PLEKHM2: variants seen among roughly 807,000 people sequenced by gnomAD.
PLEKHM2 encodes pleckstrin homology domain-containing family M member 2.
PLEKHM2 carries 77 observed loss-of-function variants against 116.3 expected under a neutral mutation model. The ratio of observed to expected loss-of-function variants is 0.66; its 90% confidence interval spans 0.55 to 0.80. The LOEUF (loss-of-function observed/expected upper bound fraction) is 0.80. Ranked by LOEUF, PLEKHM2 falls within the 30% of genes least tolerant of loss-of-function variation. PLEKHM2 has a pLI of 0.00. For synonymous variants in PLEKHM2, 562 were observed against 571.0 expected, an observed-to-expected ratio of 0.98 and a Z score of 0.22; for missense variants, 1,183 against 1,354.9, an observed-to-expected ratio of 0.87 and a Z score of 1.99.
At chr1:15,686,270 A>G (rs1407730715) in intron 1 of PLEKHM2, among the ~76,000 whole-genome samples, 1 of 152,162 alleles carries the variant, frequency 6.6e-6, no homozygotes, top group Non-Finnish European at 1.5e-5. Context: ...CTGCAAACCC[A>G]TCCCTGGGTG....
chr1:15,732,174 C>A, intron 17 of PLEKHM2, 126 bp downstream of exon 17: 1 of 999,320 alleles, frequency 1.0e-6, no homozygotes, highest in South Asian at 1.6e-5. Flanking sequence ...GGGGGCAGCC[C>A]AGGAATGGAC....
Position 15,729,010 on chromosome 1 carries a change from C to T in PLEKHM2, c.1987-92C>T. ...GGTGGTGGCCCGGGGTGTGCTTCTT[C>T]CTCCCCAGCAAGCGCTCAGCCTGGC... is the stretch of plus-strand genomic sequence containing the variant. On this transcript the variant is annotated intron_variant, in intron 12 of 19. Coordinates refer to ENST00000375799, the MANE Select transcript of PLEKHM2 (RefSeq NM_015164.4). The surrounding 1 kb of genome is among the most constrained non-coding windows in gnomAD (Gnocchi z 4.7). 1.7e-6 allele frequency: 2 copies of T among 1,204,378 alleles called. No homozygotes were observed. Among genetic ancestry groups the T allele is most frequent in the Non-Finnish European group, 2.4e-6 (2 of 834,702 alleles). 74.6% of individuals were successfully genotyped at this position (1,204,378 alleles called of 1,614,324 possible). A position where few individuals can be genotyped will look rare whatever the true frequency, so the allele number is the denominator to read the frequency against.
intron 1 of PLEKHM2, among the ~76,000 whole-genome samples, chr1:15,690,068 T>G (rs987340977): frequency 7.4e-5 from 11 of 148,564 alleles, no homozygotes; most frequent in South Asian, 2.1e-4. Flanking sequence ...GGTTTTTTTT[T>G]TTTTTGTTTT....
At position 15,698,541 on chromosome 1, in the gene PLEKHM2, C is replaced by CTTTT. The variant is rs1249746368; in HGVS notation, c.60+13926_60+13927insTTTT. On this transcript the variant is annotated intron_variant, in intron 1 of 19. Coordinates refer to ENST00000375799, the MANE Select transcript of PLEKHM2 (RefSeq NM_015164.4). ...TGTTTTTCTTTCTTTTTCTTTCTTT[C>CTTTT]TTTCTTTCTTTTTTTTTTTTTTTTT... 3.0e-3 allele frequency among the ~76,000 whole-genome samples: 413 copies of CTTTT among 138,884 alleles called. 7 individuals are homozygous for CTTTT. The highest frequency in any genetic ancestry group is 0.011 in the African/African-American group (374 of 34,238). The allele number at this position is 138,884 out of a possible 152,430, so 91.1% of individuals were successfully genotyped here.
At chr1:15,692,843 G>T (rs921950512) in intron 1 of PLEKHM2, among the ~76,000 whole-genome samples, 2 of 152,056 alleles carry the variant, frequency 1.3e-5, no homozygotes, top group Non-Finnish European at 2.9e-5. Context: ...TGGTTCAAGT[G>T]ATTCTCCTGC....
In PLEKHM2 at chr1:15,721,312, G is replaced by A; in HGVS notation, c.653-17G>A. 1 of 1,378,664 alleles carries A rather than the reference G, an allele frequency of 7.3e-7. No individual in the cohort carries two copies. The allele number at this position is 1,378,664 out of a possible 1,614,324, so 85.4% of individuals were successfully genotyped here. On this transcript the variant is annotated splice_polypyrimidine_tract_variant and intron_variant, in intron 6 of 19. Transcript: ENST00000375799. This position sits in a 1 kb window ranked among gnomAD's most constrained non-coding sequence, Gnocchi z 5.1. ...GCCTGTGTTTCTAATCTTCAGTTTT[G>A]TCCCTCGTTTTTGTAGATTATGATT... is the stretch of plus-strand genomic sequence containing the variant.
intron 1 of PLEKHM2, among the ~76,000 whole-genome samples, chr1:15,704,184 CT>C (rs945411225): frequency 2.0e-5 from 3 of 150,378 alleles, no homozygotes; most frequent in African/African-American, 7.4e-5. Flanking sequence ...CCCATCCTGT[CT>C]TTCCTGGGCA....
At position 15,716,950 on chromosome 1, in the gene PLEKHM2, G is replaced by A. The variant is rs1306817224; in HGVS notation, c.277+134G>A. On this transcript the variant is annotated intron_variant, in intron 3 of 19. Coordinates refer to ENST00000375799, the MANE Select transcript of PLEKHM2 (RefSeq NM_015164.4). ...ACCTGGTGGTGTCCAGTAGCAGTGG[G>A]GTGTTAAAATGCCAGCACCAGGCCA... 4.4e-6 allele frequency: 5 copies of A among 1,126,868 alleles called. No homozygotes were observed. In the African/African-American group the frequency reaches 7.7e-5, roughly 17 times the overall value. 69.8% of individuals were successfully genotyped at this position (1,126,868 alleles called of 1,614,324 possible).
intron 1 of PLEKHM2, 44 bp from the exon 2 acceptor site, chr1:15,716,193 C>A: frequency 8.2e-7 from 1 of 1,212,136 alleles, no homozygotes. Context: ...TGTAGCCTTC[C>A]TCTTAATCCA....
rs1309115075 is a variant in PLEKHM2, at chr1:15,729,692, C to T, written c.2076-105C>T. On this transcript the variant is annotated intron_variant, in intron 13 of 19. Coordinates refer to ENST00000375799, the MANE Select transcript of PLEKHM2 (RefSeq NM_015164.4). This position sits in a 1 kb window ranked among gnomAD's most constrained non-coding sequence, Gnocchi z 4.7. ...CACTGGGTCTAGCCAGGTCTCTCCC[C>T]CAAGTTTCTGTGACCCCTCCAGGCC... The T allele has an allele frequency of 3.8e-6, 4 of 1,043,606 alleles. No individual in the cohort carries two copies. The East Asian group carries it at 7.2e-5, about 19-fold the overall frequency. 64.6% of individuals were successfully genotyped at this position (1,043,606 alleles called of 1,614,324 possible).
intron 1 of PLEKHM2, among the ~76,000 whole-genome samples, chr1:15,695,152 A>G (rs1640968495): frequency 6.6e-6 from 1 of 152,228 alleles, no homozygotes; most frequent in African/African-American, 2.4e-5. Context: ...TTAGTTTCTT[A>G]TAATTCCCTT....
At position 15,719,866 on chromosome 1, in the gene PLEKHM2, G is replaced by A. The variant is rs775218720; in HGVS notation, c.598G>A (p.Val200Ile). 1.1e-5 allele frequency: 18 copies of A among 1,613,676 alleles called. No individual in the cohort carries two copies. The highest frequency in any genetic ancestry group is 4.5e-5 in the East Asian group (2 of 44,872). Residue 200 changes from valine (V) to isoleucine (I), a missense_variant, in exon 6 of 20, where the codon GTC becomes ATC. By Grantham distance (29) the Val-to-Ile change is conservative (BLOSUM62 3). Around this residue, in one of 3 missense-constraint regions of PLEKHM2, gnomAD observed 217 missense variants for 277.6 expected, o/e 0.78. Coordinates refer to ENST00000375799, the MANE Select transcript of PLEKHM2 (RefSeq NM_015164.4). The surrounding 1 kb of genome is among the most constrained non-coding windows in gnomAD (Gnocchi z 4.1). ...TCTGTCCCTCAACTCTTTCAACTCC[G>A]TCACCTCCACCAACCTGGAGTGGGA... ...DSLSLNSFNSVTSTNLEWDDS... is the reference protein window; with the variant it reads ...DSLSLNSFNSITSTNLEWDDS...
rs2068073019 is a variant in PLEKHM2 at position 15,727,120 on chromosome 1, G to T, written c.1048G>T (p.Asp350Tyr). The change falls in exon 9 of 20, where the codon GAC becomes TAC. Residue 350 changes from aspartate to tyrosine, a missense_variant. Physicochemically the swap from Asp to Tyr is radical, Grantham distance 160. Transcript: ENST00000375799. This position sits in a 1 kb window ranked among gnomAD's most constrained non-coding sequence, Gnocchi z 7.5. ...CSQKKCAKQG[D>Y]GDSRNGSPSL... ...CCAGAAGAAATGTGCCAAGCAGGGG[G>T]ACGGTGACAGCCGCAACGGCAGCCC... 1.9e-6 allele frequency: 3 copies of T among 1,585,166 alleles called. No homozygotes were observed. In the African/African-American group the frequency reaches 4.0e-5, roughly 21 times the overall value.
intron 1 of PLEKHM2, among the ~76,000 whole-genome samples, chr1:15,699,853 G>A (rs577300102): frequency 2.0e-5 from 3 of 151,738 alleles, no homozygotes; most frequent in South Asian, 4.2e-4. Context: ...GGTGGTGTGC[G>A]CCTATAGTCC....
In PLEKHM2 at chr1:15,721,255, T is replaced by C; in HGVS notation, c.653-74T>C. On this transcript the variant is annotated intron_variant, in intron 6 of 19. Transcript: ENST00000375799. The surrounding 1 kb of genome is among the most constrained non-coding windows in gnomAD (Gnocchi z 5.1). ...TTCTCCCCATGTCTCCCACCCCATT[T>C]CCCCTCCCCTCCCTCCAGTCATCCT... 1.2e-6 allele frequency: 1 copy of C among 831,016 alleles called. No individual in the cohort carries two copies. Among genetic ancestry groups the C allele is most frequent in the Non-Finnish European group, 2.0e-6 (1 of 499,466 alleles). The allele number at this position is 831,016 out of a possible 1,614,324, so 51.5% of individuals were successfully genotyped here. A position where few individuals can be genotyped will look rare whatever the true frequency, so the allele number is the denominator to read the frequency against.
chr1:15,706,318 G>T (rs1482164074), intron 1 of PLEKHM2, among the ~76,000 whole-genome samples: 1 of 152,148 alleles, frequency 6.6e-6, no homozygotes, highest in Non-Finnish European at 1.5e-5. Context: ...TGCCCCTGCT[G>T]TTCCTCTAAC....
intron 1 of PLEKHM2, among the ~76,000 whole-genome samples, chr1:15,698,707 C>T (rs1641052009): frequency 6.6e-6 from 1 of 151,910 alleles, no homozygotes; most frequent in Non-Finnish European, 1.5e-5. Context: ...ACCACCACAC[C>T]TGGCTAATTT....
chr1:15,727,792 CA>C lies in PLEKHM2; in HGVS notation c.1721del (p.Gln574ArgfsTer15), dbSNP rs1202375722. The C allele has an allele frequency of 1.2e-6, 2 of 1,601,276 alleles. No individual in the cohort carries two copies. The highest frequency in any genetic ancestry group is 1.7e-5 in the Admixed American group (1 of 58,370). On this transcript the variant is annotated frameshift_variant, in exon 9 of 20. Coordinates refer to ENST00000375799, the MANE Select transcript of PLEKHM2 (RefSeq NM_015164.4). LOFTEE classifies it high-confidence loss of function. This position sits in a 1 kb window ranked among gnomAD's most constrained non-coding sequence, Gnocchi z 7.5. The part of the protein sequence containing the change: ...SAEDSGVDEG[Q>X]GSPSEMVHSS... ...TGAGGATTCTGGGGTGGATGAGGGACAGGGGAGCCCTTCGGAGATGGTCCAT... is the reference window on the plus strand; with the variant it reads ...TGAGGATTCTGGGGTGGATGAGGGACGGGGAGCCCTTCGGAGATGGTCCAT...
intron 1 of PLEKHM2, among the ~76,000 whole-genome samples, chr1:15,704,320 C>G (rs1641178087): frequency 6.8e-6 from 1 of 146,674 alleles, no homozygotes; most frequent in South Asian, 2.3e-4. Context: ...CTCCCTTCCT[C>G]CCTTCCTTTC....
Sources: allele counts gnomAD v4.1 joint callset (sites outside exome capture counted in the v4.1 genomes callset), GRCh38; gene constraint gnomAD v4.1.1; regional missense constraint gnomAD v4.1.1; non-coding constraint Gnocchi (gnomAD v3.1); transcripts MANE v1.5; gene names NCBI Gene and HGNC (gene_info 2026-07-23, HGNC 2026-07-21).